The following MYCBP2 variants were observed in gnomAD, a reference collection of about 807,000 sequenced individuals.
MYCBP2 encodes MYC binding protein 2.
MYCBP2 carries 120 observed loss-of-function variants against 525.3 expected under a neutral mutation model. The observed-to-expected ratio is 0.23, with a 90% CI of 0.20 to 0.27. The LOEUF (loss-of-function observed/expected upper bound fraction) is 0.27. MYCBP2 is among the 10% of genes least tolerant of loss of function. MYCBP2 has a pLI of 1.00. For missense variants in MYCBP2, 4,149 were observed against 5,657.1 expected (o/e 0.73, Z 8.55); for synonymous variants, 1,894 against 1,955.8 (o/e 0.97, Z 0.83).
At chr13:77,133,629 C>T (rs1195447994) in intron 52 of MYCBP2, among the ~76,000 whole-genome samples, 2 of 152,140 alleles carry the variant, frequency 1.3e-5, no homozygotes, top group African/African-American at 4.8e-5. Context: ...AGATTAAGTG[C>T]TGCCTGAGAA....
intron 62 of MYCBP2, among the ~76,000 whole-genome samples, chr13:77,083,501 A>G (rs2043666917): frequency 6.6e-6 from 1 of 152,130 alleles, no homozygotes. Context: ...GTGTGTGTGC[A>G]TATATATGTA....
intron 1 of MYCBP2, among the ~76,000 whole-genome samples, chr13:77,313,333 G>A (rs971462528): frequency 6.6e-6 from 1 of 151,836 alleles, no homozygotes; most frequent in East Asian, 1.9e-4. Flanking sequence ...AAAGTAGAAA[G>A]AAATAAATTA....
intron 3 of MYCBP2, among the ~76,000 whole-genome samples, chr13:77,281,861 C>G (rs983307155): frequency 1.3e-5 from 2 of 152,080 alleles, no homozygotes; most frequent in Admixed American, 6.6e-5. Context: ...AAAATTGTAT[C>G]TTGTTTAGTT....
chr13:77,217,224 T>TATCC (rs1366249851), intron 21 of MYCBP2, among the ~76,000 whole-genome samples: 2 of 152,222 alleles, frequency 1.3e-5, no homozygotes, highest in Non-Finnish European at 2.9e-5. Context: ...TCTTAGTAAT[T>TATCC]ATCCACATCT....
At chr13:77,275,902 T>C (rs2154348840) in intron 4 of MYCBP2, among the ~76,000 whole-genome samples, 1 of 152,284 alleles carries the variant, frequency 6.6e-6, no homozygotes, top group East Asian at 1.9e-4. Context: ...GAGAATAGCT[T>C]GAACCCAGGA....
At chr13:77,168,278 C>T in intron 40 of MYCBP2, 150 bp downstream of exon 40, 3 of 601,584 alleles carry the variant, frequency 5.0e-6, no homozygotes, top group East Asian at 2.8e-5. Flanking sequence ...TTTATATATC[C>T]AACAGTGCCT....
At chr13:77,165,703 G>A (rs552058217) in intron 41 of MYCBP2, among the ~76,000 whole-genome samples, 7 of 152,214 alleles carry the variant, frequency 4.6e-5, no homozygotes, top group African/African-American at 1.7e-4. Flanking sequence ...CAAATACTGA[G>A]GTTAGCCTTT....
intron 55 of MYCBP2, chr13:77,099,938 G>C (rs574996814): frequency 1.3e-5 from 2 of 152,224 alleles, no homozygotes; most frequent in African/African-American, 4.8e-5. Context: ...ATTAGAGCCA[G>C]GCTGTCTGTG....
At chr13:77,203,022 A>C in intron 26 of MYCBP2, among the ~76,000 whole-genome samples, 1 of 151,182 alleles carries the variant, frequency 6.6e-6, no homozygotes. Context: ...CCTATTCAAC[A>C]TAGTGTTGGA....
intron 78 of MYCBP2, among the ~76,000 whole-genome samples, chr13:77,057,834 C>CTTTT (rs11419165): frequency 3.1e-4 from 37 of 121,080 alleles, no homozygotes; most frequent in African/African-American, 5.4e-4. Flanking sequence ...CAATCAACTG[C>CTTTT]TTTTTTTTTT....
intron 55 of MYCBP2, chr13:77,103,406 T>C (rs1475623835): frequency 5.3e-5 from 21 of 394,610 alleles, no homozygotes; most frequent in Non-Finnish European, 9.4e-5. Context: ...TCAAATGGTA[T>C]GCAAGTATAA....
At chr13:77,136,998 A>C (rs1181791724) in intron 52 of MYCBP2, among the ~76,000 whole-genome samples, 2 of 152,172 alleles carry the variant, frequency 1.3e-5, no homozygotes, top group Non-Finnish European at 2.9e-5. Flanking sequence ...AAAATGAAGA[A>C]ACCAAAAAAA....
At chr13:77,089,518 C>T (rs774322590) in intron 60 of MYCBP2, among the ~76,000 whole-genome samples, 4 of 152,064 alleles carry the variant, frequency 2.6e-5, no homozygotes, top group Non-Finnish European at 5.9e-5. Context: ...TTCATTTTAG[C>T]AAGTGATCTC....
At chr13:77,277,015 G>C (rs1305611668) in intron 4 of MYCBP2, among the ~76,000 whole-genome samples, 1 of 151,908 alleles carries the variant, frequency 6.6e-6, no homozygotes, top group Non-Finnish European at 1.5e-5. Flanking sequence ...GCCAAAGCCA[G>C]TATTAAGAAC....
chr13:77,190,679 G>A (rs1371958466), intron 28 of MYCBP2, among the ~76,000 whole-genome samples: 1 of 152,106 alleles, frequency 6.6e-6, no homozygotes, highest in Middle Eastern at 3.2e-3. Flanking sequence ...GCCTCAGTGT[G>A]CCATGACATT....
At chr13:77,133,608 T>C (rs1213042922) in intron 52 of MYCBP2, among the ~76,000 whole-genome samples, 3 of 152,182 alleles carry the variant, frequency 2.0e-5, no homozygotes, top group African/African-American at 7.2e-5. Flanking sequence ...GTAAGCCTTC[T>C]CTACTTCTAC....
intron 55 of MYCBP2, among the ~76,000 whole-genome samples, chr13:77,105,769 A>G (rs1181112126): frequency 1.3e-5 from 2 of 152,144 alleles, no homozygotes; most frequent in Non-Finnish European, 2.9e-5. Flanking sequence ...TAAGAGAATA[A>G]TATTAAAAAC....
intron 37 of MYCBP2, among the ~76,000 whole-genome samples, chr13:77,172,363 C>A (rs1250357940): frequency 6.6e-6 from 1 of 152,112 alleles, no homozygotes; most frequent in Non-Finnish European, 1.5e-5. Context: ...AAACAAGAGT[C>A]AAATTGTGTA....
At chr13:77,189,119 T>C (rs2061044811) in intron 29 of MYCBP2, 72 bp from the exon 30 acceptor site, 16 of 1,069,666 alleles carry the variant, frequency 1.5e-5, no homozygotes, top group Non-Finnish European at 1.4e-5. Flanking sequence ...AAGTATATTA[T>C]ACATTTTTGA....
Sources: allele counts gnomAD v4.1 joint callset (sites outside exome capture counted in the v4.1 genomes callset), GRCh38; gene constraint gnomAD v4.1.1; transcripts MANE v1.5; gene names NCBI Gene and HGNC (gene_info 2026-07-23, HGNC 2026-07-21).